Variants in EREG observed in about 807,000 individuals in gnomAD.
The protein encoded by EREG is epiregulin.
A neutral mutation model predicts 22.4 loss-of-function variants in EREG; 23 were observed. That is an observed-to-expected ratio of 1.03 (90% CI 0.74 to 1.46). The LOEUF is 1.46. Among genes scored for constraint, EREG ranks in the 40% most tolerant of loss-of-function variants. The pLI, the probability that EREG is intolerant of heterozygous loss-of-function variation, is 0.00. For synonymous variants in EREG, 100 were observed against 75.4 expected (o/e 1.33, Z -1.69); for missense variants, 226 against 205.9 (o/e 1.10, Z -0.60).
intron 1 of EREG, among the ~76,000 whole-genome samples, chr4:74,367,598 GA>G (rs1752209002): frequency 6.6e-6 from 1 of 152,162 alleles, no homozygotes; most frequent in Non-Finnish European, 1.5e-5. Context: ...CTTCATCAAT[GA>G]GAGAGAATTA....
chr4:74,367,522 T>G (rs1752206944), intron 1 of EREG, among the ~76,000 whole-genome samples: 1 of 152,246 alleles, frequency 6.6e-6, no homozygotes, highest in Admixed American at 6.5e-5. Flanking sequence ...TCAAACATTT[T>G]TATTCATGCC....
In EREG at chr4:74,386,689, C is replaced by T. The variant is rs1309050454; in HGVS notation, c.*1881C>T. The T allele has an allele frequency of 6.6e-6, 1 of 152,168 alleles. No individual in the cohort carries two copies. Among genetic ancestry groups the T allele is most frequent in the Non-Finnish European group, 1.5e-5 (1 of 68,042 alleles). 9.4% of individuals were successfully genotyped at this position (152,168 alleles called of 1,614,324 possible). A position where few individuals can be genotyped will look rare whatever the true frequency, so the allele number is the denominator to read the frequency against. ...TTAAATACTCTACTTACAGTTGGCC[C>T]TCTGTGGTTAGTTCCACATCTGTGG... On this transcript the variant is annotated 3_prime_UTR_variant, in exon 5 of 5. Coordinates refer to ENST00000244869, the MANE Select transcript of EREG (RefSeq NM_001432.3).
rs1041488451 is a variant in EREG at position 74,386,836 on chromosome 4, G to A, written c.*2028G>A. The A allele has an allele frequency of 6.6e-6, 1 of 151,892 alleles. No homozygotes were observed. The highest frequency in any genetic ancestry group is 1.5e-5 in the Non-Finnish European group (1 of 68,026). The allele number at this position is 151,892 out of a possible 1,614,324, so 9.4% of individuals were successfully genotyped here. A position where few individuals can be genotyped will look rare whatever the true frequency, so the allele number is the denominator to read the frequency against. ...AGATGGAGTCTCGCTCTGTTGCCCA[G>A]GTTGGAGTGCAGTGGCACGATCTCG... On this transcript the variant is annotated 3_prime_UTR_variant, in exon 5 of 5. Coordinates refer to ENST00000244869, the MANE Select transcript of EREG (RefSeq NM_001432.3).
Position 74,386,809 on chromosome 4 carries a change from T to G in EREG, c.*2001T>G, listed in dbSNP as rs75388055. ...CTATTTACTTTTTTTTTTTTCTTTT[T>G]GAGATGGAGTCTCGCTCTGTTGCCC... On this transcript the variant is annotated 3_prime_UTR_variant, in exon 5 of 5. Coordinates refer to ENST00000244869, the MANE Select transcript of EREG (RefSeq NM_001432.3). 1 of 152,086 alleles carries G rather than the reference T, an allele frequency of 6.6e-6. No individual in the cohort carries two copies. Among genetic ancestry groups the G allele is most frequent in the Non-Finnish European group, 1.5e-5 (1 of 68,024 alleles). 9.4% of individuals were successfully genotyped at this position (152,086 alleles called of 1,614,324 possible). A position where few individuals can be genotyped will look rare whatever the true frequency, so the allele number is the denominator to read the frequency against.
chr4:74,365,982 G>T (rs1315570801), intron 1 of EREG, among the ~76,000 whole-genome samples: 2 of 152,014 alleles, frequency 1.3e-5, no homozygotes, highest in Admixed American at 1.3e-4. Context: ...GCTCCCCACC[G>T]CCCTTCGCCC....
intron 1 of EREG, among the ~76,000 whole-genome samples, chr4:74,373,170 T>C (rs1752321638): frequency 6.6e-6 from 1 of 151,986 alleles, no homozygotes. Flanking sequence ...ATCTTTAAAT[T>C]CATATTTAGT....
intron 1 of EREG, among the ~76,000 whole-genome samples, chr4:74,368,605 G>A (rs960972632): frequency 6.6e-6 from 1 of 152,140 alleles, no homozygotes; most frequent in African/African-American, 2.4e-5. Context: ...AACTGAATTT[G>A]AATGTTTTCT....
At chr4:74,375,364 G>GCTGGAGT (rs1441822146) in intron 1 of EREG, among the ~76,000 whole-genome samples, 19 of 142,260 alleles carry the variant, frequency 1.3e-4, no homozygotes, top group Non-Finnish European at 2.4e-4. Context: ...TGTCGCCCAG[G>GCTGGAGT]CTGGAGTGCA....
intron 1 of EREG, among the ~76,000 whole-genome samples, chr4:74,367,375 C>T (rs1293240410): frequency 1.3e-5 from 2 of 152,128 alleles, no homozygotes; most frequent in African/African-American, 2.4e-5. Flanking sequence ...AGTTGAAATA[C>T]CGGATAACAT....
chr4:74,373,347 A>G (rs1413626670), intron 1 of EREG, among the ~76,000 whole-genome samples: 1 of 152,006 alleles, frequency 6.6e-6, no homozygotes, highest in Non-Finnish European at 1.5e-5. Context: ...ATGACTAGAA[A>G]CACATGGCAT....
At chr4:74,368,829 C>A (rs1399299139) in intron 1 of EREG, among the ~76,000 whole-genome samples, 1 of 152,154 alleles carries the variant, frequency 6.6e-6, no homozygotes, top group Non-Finnish European at 1.5e-5. Context: ...AATGAGAACA[C>A]TTCCCAGTGG....
At chr4:74,373,920 A>G (rs1195351542) in intron 1 of EREG, among the ~76,000 whole-genome samples, 1 of 152,180 alleles carries the variant, frequency 6.6e-6, no homozygotes, top group Admixed American at 6.5e-5. Context: ...AAACAAAAAG[A>G]CATCCAAAAA....
chr4:74,366,431 T>C (rs1752185625), intron 1 of EREG, among the ~76,000 whole-genome samples: 1 of 152,152 alleles, frequency 6.6e-6, no homozygotes. Flanking sequence ...AATTGAAACT[T>C]ACAAGTCTAA....
Position 74,365,342 on chromosome 4 carries a change from G to T in EREG, c.34G>T (p.Ala12Ser). 2 of 1,609,570 alleles carry T rather than the reference G, an allele frequency of 1.2e-6. No homozygotes were observed. Among genetic ancestry groups the T allele is most frequent in the Non-Finnish European group, 8.5e-7 (1 of 1,179,972 alleles). ...GGGGAGGAGGATGGAGATGCTCTGT[G>T]CCGGCAGGGTCCCTGCGCTGCTGCT... ...TAGRRMEMLC[A>S]GRVPALLLCL... The change falls in exon 1 of 5, where the codon GCC (alanine) becomes TCC (serine). Residue 12 changes from alanine to serine, a missense_variant. Transcript: ENST00000244869.
rs1166023842 is a variant in EREG at position 74,385,045 on chromosome 4, T to C, written c.*237T>C. ...TGATATTTTTATACAAGTAATTTCC[T>C]GAGCTAAATGCTTCATTGAAAGCTT... On this transcript the variant is annotated 3_prime_UTR_variant, in exon 5 of 5. Transcript: ENST00000244869. The C allele has an allele frequency of 1.3e-5, 5 of 379,682 alleles. No homozygotes were observed. Among genetic ancestry groups the C allele is most frequent in the African/African-American group, 4.1e-5 (2 of 48,862 alleles). 23.5% of individuals were successfully genotyped at this position (379,682 alleles called of 1,614,324 possible).
At chr4:74,377,720 C>G (rs1005241989) in intron 1 of EREG, among the ~76,000 whole-genome samples, 1 of 152,206 alleles carries the variant, frequency 6.6e-6, no homozygotes, top group Admixed American at 6.5e-5. Context: ...GAAGGGGAAG[C>G]AAGCCCCTTT....
chr4:74,371,220 A>T (rs1478214395), intron 1 of EREG, among the ~76,000 whole-genome samples: 1 of 152,160 alleles, frequency 6.6e-6, no homozygotes, highest in Non-Finnish European at 1.5e-5. Context: ...GCTGTTACAC[A>T]TTGCCACCCA....
Position 74,382,712 on chromosome 4 carries a change from A to ACC in EREG, c.346_347insCC (p.Lys116ThrfsTer7). 1 of 1,613,722 alleles carries ACC rather than the reference A, an allele frequency of 6.2e-7. No homozygotes were observed. Among genetic ancestry groups the ACC allele is most frequent in the South Asian group, 1.1e-5 (1 of 91,064 alleles). ...TTTAACCGTCCACCAACCTTTAAGC[A>ACC]AAGAATATGTGGCTTTGACCGTGAT... On this transcript the variant is annotated frameshift_variant, in exon 4 of 5. Transcript: ENST00000244869. LOFTEE classifies it high-confidence loss of function.
Position 74,374,834 on chromosome 4 carries a change from C to T in EREG, c.68-4614C>T, listed in dbSNP as rs138923231. The stretch of plus-strand genomic sequence containing the variant: ...TGGCACATCTGAGATTTCACTGAAA[C>T]ATAATCTGAAAAATGAAGGCAGAGA... On this transcript the variant is annotated intron_variant, in intron 1 of 4. Transcript: ENST00000244869. Among the ~76,000 whole-genome samples the T allele has an allele frequency of 9.1e-3, 1,389 of 152,224 alleles. 14 individuals are homozygous for T. The highest frequency in any genetic ancestry group is 0.016 in the Non-Finnish European group (1,068 of 68,006).
Sources: gnomAD v4.1 joint callset for allele counts (sites outside exome capture counted in the v4.1 genomes callset) on GRCh38, gnomAD v4.1.1 for gene constraint, MANE v1.5 for transcripts, NCBI Gene and HGNC (gene_info 2026-07-23, HGNC 2026-07-21) for gene names.